The following ATG4C variants were observed in gnomAD, a reference collection of about 807,000 sequenced individuals.
ATG4C encodes cysteine protease ATG4C.
In ATG4C, 56 loss-of-function variants were observed where a neutral mutation model predicts 57.6. The observed-to-expected ratio is 0.97, with a 90% CI of 0.78 to 1.21. The LOEUF is 1.21. ATG4C is among the 50% of genes most tolerant of loss of function. The probability of loss-of-function intolerance (pLI) is 0.00; values close to 1 mark genes in which losing one functional copy is unlikely to be tolerated. For missense variants in ATG4C, 595 were observed against 529.8 expected (o/e 1.12, Z -1.21); for synonymous variants, 157 against 174.1 (o/e 0.90, Z 0.78).
intron 10 of ATG4C, among the ~76,000 whole-genome samples, chr1:62,843,850 T>C (rs1666245999): frequency 6.6e-6 from 1 of 152,134 alleles, no homozygotes; most frequent in South Asian, 2.1e-4. Flanking sequence ...CAAGTAGACA[T>C]ATATTACATT....
At chr1:62,787,280 G>T (rs1664122523) in intron 1 of ATG4C, among the ~76,000 whole-genome samples, 1 of 152,060 alleles carries the variant, frequency 6.6e-6, no homozygotes, top group African/African-American at 2.4e-5. Context: ...TTGAGCAGGG[G>T]TGGGGTTCTA....
intron 1 of ATG4C, among the ~76,000 whole-genome samples, chr1:62,790,689 C>G (rs1488811346): frequency 6.6e-6 from 1 of 152,106 alleles, no homozygotes; most frequent in Non-Finnish European, 1.5e-5. Flanking sequence ...TTATAGAGAA[C>G]TCTAGAACAG....
At chr1:62,857,323 GAACTGCATATGC>G (rs1557996346) in intron 10 of ATG4C, among the ~76,000 whole-genome samples, 2 of 152,094 alleles carry the variant, frequency 1.3e-5, no homozygotes, top group African/African-American at 4.8e-5. Context: ...ACCCTATTGT[GAACTGCATATGC>G]AAGGGATCTA....
In ATG4C at chr1:62,821,217, A is replaced by AC; in HGVS notation, c.796+8_796+9insC. The AC allele has an allele frequency of 6.5e-7, 1 of 1,547,386 alleles. No homozygotes were observed. Among genetic ancestry groups the AC allele is most frequent in the Non-Finnish European group, 8.8e-7 (1 of 1,142,102 alleles). On this transcript the variant is annotated intron_variant, in intron 6 of 10. Transcript: ENST00000317868. ...TTGCACAAGATTGTACAGGTAAGGA[A>AC]TGTATATAATTCTAATCTTTGTTTT...
At chr1:62,789,264 A>G (rs1036597370) in intron 1 of ATG4C, among the ~76,000 whole-genome samples, 1 of 151,980 alleles carries the variant, frequency 6.6e-6, no homozygotes, top group Non-Finnish European at 1.5e-5. Flanking sequence ...TTTTTTCAAA[A>G]TCTATGCAGT....
rs563855838 is a variant in ATG4C at position 62,823,000 on chromosome 1, C to G, written c.796+1791C>G. On this transcript the variant is annotated intron_variant, in intron 6 of 10. Coordinates refer to ENST00000317868, the MANE Select transcript of ATG4C (RefSeq NM_032852.4). The stretch of plus-strand genomic sequence containing the variant: ...TGAAACCCTGTCACTACAAAAAATA[C>G]AAAATTTAGTTGAGCATGGTGGTGA... Among the ~76,000 whole-genome samples, 23 of 152,194 alleles carry G rather than the reference C, an allele frequency of 1.5e-4. No individual in the cohort carries two copies. In the East Asian group the frequency reaches 4.5e-3, roughly 29 times the overall value.
intron 1 of ATG4C, among the ~76,000 whole-genome samples, chr1:62,789,927 T>A (rs1052273716): frequency 6.6e-6 from 1 of 152,214 alleles, no homozygotes; most frequent in East Asian, 1.9e-4. Context: ...CACTTTTTTT[T>A]TTTTTGAGAC....
chr1:62,848,190 A>G (rs1482285011), intron 10 of ATG4C, among the ~76,000 whole-genome samples: 3 of 152,038 alleles, frequency 2.0e-5, no homozygotes, highest in Non-Finnish European at 4.4e-5. Flanking sequence ...CTTTGCTATT[A>G]GTTACATACA....
At chr1:62,786,175 G>C (rs187995594) in intron 1 of ATG4C, among the ~76,000 whole-genome samples, 1 of 152,238 alleles carries the variant, frequency 6.6e-6, no homozygotes, top group African/African-American at 2.4e-5. Context: ...TCTTCCCACT[G>C]TACAACAGCT....
intron 1 of ATG4C, among the ~76,000 whole-genome samples, chr1:62,790,242 G>A (rs1664232405): frequency 1.3e-5 from 2 of 152,274 alleles, no homozygotes; most frequent in East Asian, 3.9e-4. Flanking sequence ...GAAATCATGA[G>A]TTCATAGGAT....
At chr1:62,829,941 A>G (rs1336193207) in intron 7 of ATG4C, among the ~76,000 whole-genome samples, 1 of 152,102 alleles carries the variant, frequency 6.6e-6, no homozygotes, top group African/African-American at 2.4e-5. Context: ...GGGATATAGT[A>G]ATGTTGAAAT....
chr1:62,861,650 A>AAATCAC (rs1446877955), intron 10 of ATG4C, among the ~76,000 whole-genome samples: 1 of 151,346 alleles, frequency 6.6e-6, no homozygotes, highest in East Asian at 1.9e-4. Flanking sequence ...CACATGAGAA[A>AAATCAC]AATCACTGTT....
intron 1 of ATG4C, among the ~76,000 whole-genome samples, chr1:62,792,392 T>G (rs1324443372): frequency 6.6e-6 from 1 of 152,150 alleles, no homozygotes; most frequent in Non-Finnish European, 1.5e-5. Flanking sequence ...ATTGGGACAT[T>G]TAATGTAGAA....
intron 6 of ATG4C, among the ~76,000 whole-genome samples, chr1:62,828,578 A>G (rs1665740885): frequency 6.6e-6 from 1 of 152,162 alleles, no homozygotes; most frequent in Admixed American, 6.5e-5. Flanking sequence ...TAGTTTGCAA[A>G]TATTTTCTCA....
At chr1:62,843,684 A>G (rs1666239064) in intron 10 of ATG4C, among the ~76,000 whole-genome samples, 3 of 152,242 alleles carry the variant, frequency 2.0e-5, no homozygotes, top group Admixed American at 2.0e-4. Context: ...AAAAATTGTT[A>G]AACCAATTCA....
At chr1:62,795,224 A>G (rs1174378988) in intron 1 of ATG4C, among the ~76,000 whole-genome samples, 4 of 152,216 alleles carry the variant, frequency 2.6e-5, no homozygotes, top group African/African-American at 9.6e-5. Flanking sequence ...AAAGTAGTCT[A>G]CTTATTGCTA....
At chr1:62,811,489 T>TA (rs879382925) in intron 3 of ATG4C, among the ~76,000 whole-genome samples, 2 of 152,036 alleles carry the variant, frequency 1.3e-5, no homozygotes, top group African/African-American at 4.8e-5. Context: ...ATACCGAAAG[T>TA]AAAAAAAATT....
At position 62,864,726 on chromosome 1, in the gene ATG4C, T is replaced by G. The variant is rs573948777; in HGVS notation, c.*567T>G. The G allele has an allele frequency of 6.6e-6, 1 of 152,172 alleles. No homozygotes were observed. Among genetic ancestry groups the G allele is most frequent in the Admixed American group, 6.5e-5 (1 of 15,272 alleles). 9.4% of individuals were successfully genotyped at this position (152,172 alleles called of 1,614,324 possible). On this transcript the variant is annotated 3_prime_UTR_variant, in exon 11 of 11. Transcript: ENST00000317868. ...AATACTTAGCAATATGATTTTATAA[T>G]GGCTCCTCATTATGCTTGCTGTTGA...
At position 62,798,790 on chromosome 1, in the gene ATG4C, A is replaced by C. The variant is rs375605792; in HGVS notation, c.-68-4929A>C. ...CTCCTGAGTAGCTGGGATTACAGGC[A>C]TGCACCACCATGCCTGGCTAATTTT... On this transcript the variant is annotated intron_variant, in intron 1 of 10. Coordinates refer to ENST00000317868, the MANE Select transcript of ATG4C (RefSeq NM_032852.4). 8.7e-3 allele frequency among the ~76,000 whole-genome samples: 1,324 copies of C among 152,084 alleles called. 29 individuals carry two copies. The highest frequency in any genetic ancestry group is 0.03 in the African/African-American group (1,263 of 41,490).
Sources: allele counts gnomAD v4.1 joint callset (sites outside exome capture counted in the v4.1 genomes callset), GRCh38; gene constraint gnomAD v4.1.1; transcripts MANE v1.5; gene names NCBI Gene and HGNC (gene_info 2026-07-23, HGNC 2026-07-21).